Variants in SKIC3 observed in about 807,000 individuals in gnomAD.
SKIC3 encodes the protein SKI3 subunit of superkiller complex.
chr5:95,478,837 CTCTT>C, the SKIC3 span, among the ~76,000 whole-genome samples: 1 of 152,036 alleles, frequency 6.6e-6, no homozygotes, highest in South Asian at 2.1e-4. Flanking sequence ...AGAAAAAACT[CTCTT>C]AGCATATTCA....
At chr5:95,515,649 C>A in the SKIC3 span, among the ~76,000 whole-genome samples, 1 of 152,016 alleles carries the variant, frequency 6.6e-6, no homozygotes, top group Non-Finnish European at 1.5e-5. Flanking sequence ...ATTTTAAAAT[C>A]CAAATTAATA....
At chr5:95,540,954 C>T in the SKIC3 span, 1 of 950,486 alleles carries the variant, frequency 1.1e-6, no homozygotes, top group African/African-American at 1.7e-5. Context: ...AGCATAGAAC[C>T]CCATCTATTT....
the SKIC3 span, chr5:95,509,827 AT>A: frequency 7.6e-6 from 5 of 654,344 alleles, no homozygotes; most frequent in Non-Finnish European, 1.4e-5. Context: ...GCCTGATTTT[AT>A]CTTGAATATA....
the SKIC3 span, chr5:95,523,961 G>A: frequency 1.0e-6 from 1 of 995,510 alleles, no homozygotes; most frequent in Admixed American, 2.6e-5. Flanking sequence ...ACAAAAATAT[G>A]CCAAAAAATC....
At chr5:95,497,929 C>T in the SKIC3 span, among the ~76,000 whole-genome samples, 1 of 152,012 alleles carries the variant, frequency 6.6e-6, no homozygotes, top group African/African-American at 2.4e-5. Context: ...AAAGAGACTA[C>T]AGACATGACA....
chr5:95,486,203 G>A, the SKIC3 span, among the ~76,000 whole-genome samples: 1 of 152,152 alleles, frequency 6.6e-6, no homozygotes, highest in African/African-American at 2.4e-5. Context: ...TTGCCATGCA[G>A]CCCAACAGCC....
At chr5:95,475,996 G>T in the SKIC3 span, among the ~76,000 whole-genome samples, 1 of 152,244 alleles carries the variant, frequency 6.6e-6, no homozygotes, top group Non-Finnish European at 1.5e-5. Flanking sequence ...AGCCCCCTCT[G>T]ATCATTCACT....
chr5:95,523,871 A>G, the SKIC3 span: 10 of 1,570,010 alleles, frequency 6.4e-6, no homozygotes, highest in African/African-American at 1.4e-5. Flanking sequence ...GAACATTAAA[A>G]GTTCATTTAA....
chr5:95,479,958 A>G, the SKIC3 span, among the ~76,000 whole-genome samples: 1 of 152,176 alleles, frequency 6.6e-6, no homozygotes, highest in Non-Finnish European at 1.5e-5. Context: ...GAAGACCCAT[A>G]CATACACAGC....
the SKIC3 span, chr5:95,540,780 T>C: frequency 6.3e-5 from 102 of 1,614,162 alleles, no homozygotes; most frequent in Admixed American, 1.2e-4. Flanking sequence ...CTTCATTTTC[T>C]GCACCTTGTT....
the SKIC3 span, chr5:95,547,150 T>C: frequency 6.2e-7 from 1 of 1,612,688 alleles, no homozygotes; most frequent in Admixed American, 1.7e-5. Flanking sequence ...TTGCTGGACA[T>C]TCTGTCAAGG....
the SKIC3 span, among the ~76,000 whole-genome samples, chr5:95,503,402 C>T: frequency 2.0e-5 from 3 of 152,266 alleles, no homozygotes; most frequent in South Asian, 6.2e-4. Context: ...GGGCTAAGCC[C>T]ATATATGTGA....
the SKIC3 span, among the ~76,000 whole-genome samples, chr5:95,547,569 G>A: frequency 6.6e-6 from 1 of 151,594 alleles, no homozygotes; most frequent in Non-Finnish European, 1.5e-5. Context: ...TTTCACTGCC[G>A]CATCCCCAGG....
the SKIC3 span, among the ~76,000 whole-genome samples, chr5:95,544,994 A>C: frequency 6.6e-6 from 1 of 152,172 alleles, no homozygotes; most frequent in Non-Finnish European, 1.5e-5. Context: ...GTCTCAACCA[A>C]TATTCTGGGT....
At chr5:95,494,691 G>T in the SKIC3 span, 1 of 1,613,506 alleles carries the variant, frequency 6.2e-7, no homozygotes, top group Admixed American at 1.7e-5. Context: ...CCTGGAGAAA[G>T]GAGAGCTGCC....
the SKIC3 span, chr5:95,491,111 T>A: frequency 6.3e-7 from 1 of 1,577,064 alleles, no homozygotes; most frequent in Non-Finnish European, 8.6e-7. Flanking sequence ...AAAATGAGAT[T>A]AAGAGTTTAC....
the SKIC3 span, among the ~76,000 whole-genome samples, chr5:95,549,351 A>G: frequency 6.6e-6 from 1 of 152,082 alleles, no homozygotes; most frequent in South Asian, 2.1e-4. Context: ...ATAGAGCCTC[A>G]GATTACAGAT....
chr5:95,529,365 G>C, the SKIC3 span: 1 of 503,890 alleles, frequency 2.0e-6, no homozygotes, highest in South Asian at 2.1e-5. Flanking sequence ...TTACACTGTA[G>C]CTAGAATATC....
chr5:95,503,132 T>C, the SKIC3 span: 4 of 1,003,752 alleles, frequency 4.0e-6, no homozygotes, highest in Non-Finnish European at 5.9e-6. Flanking sequence ...TCTCCTGTTC[T>C]CAAGCAGATA....
Sources: allele counts gnomAD v4.1 joint callset (sites outside exome capture counted in the v4.1 genomes callset), GRCh38; gene constraint gnomAD v4.1.1; transcripts MANE v1.5; gene names NCBI Gene and HGNC (gene_info 2026-07-23, HGNC 2026-07-21).